The following GGNBP2 variants were observed in gnomAD, a reference collection of about 807,000 sequenced individuals.
GGNBP2 encodes the protein gametogenetin binding protein 2.
Under a neutral mutation model 85.9 loss-of-function variants are expected in GGNBP2, and 10 were observed. The observed-to-expected ratio is 0.12, with a 90% CI of 0.07 to 0.20. The LOEUF (loss-of-function observed/expected upper bound fraction) is 0.20. GGNBP2 is among the 10% of genes least tolerant of loss of function. GGNBP2 has a pLI of 1.00. For missense variants in GGNBP2, 595 were observed against 857.8 expected (o/e 0.69, Z 3.83); for synonymous variants, 287 against 285.7 (o/e 1.00, Z -0.05).
intron 2 of GGNBP2, chr17:36,546,585 A>G (rs759033507): frequency 6.6e-6 from 1 of 152,152 alleles, no homozygotes; most frequent in Non-Finnish European, 1.5e-5. Context: ...CCTCTGCCCT[A>G]TGTTGCTGTA....
chr17:36,577,665 A>C (rs1336261756), intron 6 of GGNBP2: 1 of 363,380 alleles, frequency 2.8e-6, no homozygotes, highest in Non-Finnish European at 5.2e-6. Flanking sequence ...ATAGCTTTTG[A>C]AGTGGAGATA....
intron 11 of GGNBP2, 26 bp from the exon 12 acceptor site, chr17:36,586,024 A>G (rs1390133740): frequency 1.2e-6 from 2 of 1,613,574 alleles, no homozygotes; most frequent in Admixed American, 1.7e-5. Flanking sequence ...AAGAACATAA[A>G]TAAGAAGGAT....
intron 6 of GGNBP2, chr17:36,575,315 T>G (rs2074566204): frequency 2.2e-6 from 1 of 461,978 alleles, no homozygotes; most frequent in Non-Finnish European, 4.0e-6. Flanking sequence ...GCCACCAGCA[T>G]CATCTGCCAT....
At chr17:36,573,526 G>A (rs1375831675) in intron 6 of GGNBP2, among the ~76,000 whole-genome samples, 1 of 152,176 alleles carries the variant, frequency 6.6e-6, no homozygotes, top group African/African-American at 2.4e-5. Flanking sequence ...CTTGCTATCA[G>A]TTCTTTTGGA....
chr17:36,578,964 C>G (rs1304939865), intron 7 of GGNBP2: 1 of 353,804 alleles, frequency 2.8e-6, no homozygotes, highest in Non-Finnish European at 5.2e-6. Flanking sequence ...GAGCTGGACA[C>G]TTCTATGTGA....
chr17:36,568,368 A>T (rs1348013058), intron 6 of GGNBP2, among the ~76,000 whole-genome samples: 4 of 150,472 alleles, frequency 2.7e-5, no homozygotes, highest in Non-Finnish European at 4.4e-5. Context: ...GAGACCTCGG[A>T]TCACTGTTCC....
intron 5 of GGNBP2, among the ~76,000 whole-genome samples, chr17:36,561,347 C>A (rs1400067740): frequency 1.3e-5 from 2 of 152,100 alleles, no homozygotes; most frequent in Non-Finnish European, 2.9e-5. Flanking sequence ...TGGTCTCGGA[C>A]TCCTGACCTC....
In GGNBP2 at chr17:36,589,520, C is replaced by A. The variant is rs948969663; in HGVS notation, c.*109C>A. ...CTTATGGCAAAATTTTATCTTAAAT[C>A]AATGTGATTCTTTCTTGTTTTGGGA... is the stretch of plus-strand genomic sequence containing the variant. On this transcript the variant is annotated 3_prime_UTR_variant, in exon 14 of 14. Transcript: ENST00000613102. 2 of 747,178 alleles carry A rather than the reference C, an allele frequency of 2.7e-6. No individual in the cohort carries two copies. The highest frequency in any genetic ancestry group is 4.5e-6 in the Non-Finnish European group (2 of 447,080). 46.3% of individuals were successfully genotyped at this position (747,178 alleles called of 1,614,324 possible).
At chr17:36,585,161 T>C (rs1276719706) in intron 9 of GGNBP2, 139 bp from the exon 10 acceptor site, 4 of 674,488 alleles carry the variant, frequency 5.9e-6, no homozygotes, top group Non-Finnish European at 1.0e-5. Context: ...ACCATTACTT[T>C]TGTACTGTCA....
intron 5 of GGNBP2, among the ~76,000 whole-genome samples, chr17:36,561,521 T>C (rs980094218): frequency 2.0e-5 from 3 of 152,196 alleles, no homozygotes; most frequent in African/African-American, 7.2e-5. Flanking sequence ...GTATAAATTA[T>C]TTATCTTTCT....
intron 13 of GGNBP2, among the ~76,000 whole-genome samples, chr17:36,588,557 G>C (rs2074726396): frequency 6.6e-6 from 1 of 151,034 alleles, no homozygotes; most frequent in African/African-American, 2.4e-5. Context: ...CGCCCAGCTA[G>C]TTTTTTTCTT....
intron 2 of GGNBP2, among the ~76,000 whole-genome samples, chr17:36,554,352 A>ATTTTTTTTTTTTTTTTTTTTTTTT (rs780217291): frequency 2.2e-5 from 1 of 44,506 alleles, no homozygotes; most frequent in Non-Finnish European, 3.6e-5. Context: ...ATGTACTTGA[A>ATTTTTTTTTTTTTTTTTTTTTTTT]TTTTTTTTTT....
intron 5 of GGNBP2, among the ~76,000 whole-genome samples, chr17:36,563,696 G>A (rs1013750067): frequency 7.0e-6 from 1 of 143,294 alleles, no homozygotes; most frequent in Non-Finnish European, 1.5e-5. Flanking sequence ...AAGGATAGTT[G>A]TTATTTTGCT....
chr17:36,561,366 G>A (rs1262265324), intron 5 of GGNBP2, among the ~76,000 whole-genome samples: 2 of 151,842 alleles, frequency 1.3e-5, no homozygotes, highest in Non-Finnish European at 1.5e-5. Flanking sequence ...TCAGGTGATC[G>A]CCCACCTCAG....
intron 5 of GGNBP2, among the ~76,000 whole-genome samples, chr17:36,562,932 C>T (rs554610885): frequency 3.7e-5 from 4 of 107,636 alleles, no homozygotes; most frequent in African/African-American, 1.1e-4. Flanking sequence ...GTCGCCTGGG[C>T]GACAGAGCGA....
At chr17:36,547,226 A>G (rs933982367) in intron 2 of GGNBP2, 10 of 152,184 alleles carry the variant, frequency 6.6e-5, no homozygotes, top group Non-Finnish European at 1.3e-4. Flanking sequence ...TGCATTTCTC[A>G]GTTTGGACTT....
chr17:36,545,405 G>C (rs1267318332), intron 1 of GGNBP2: 103 of 291,984 alleles, frequency 3.5e-4, no homozygotes, highest in Non-Finnish European at 5.7e-4. Context: ...GGAGGCCGGC[G>C]GGCGGGCGGG....
intron 13 of GGNBP2, 134 bp from the exon 14 acceptor site, chr17:36,589,072 AAC>A: frequency 1.5e-6 from 1 of 652,998 alleles, no homozygotes; most frequent in Non-Finnish European, 2.7e-6. Context: ...TTATTCTGCA[AAC>A]ACTCCAATTA....
At chr17:36,548,944 CA>C (rs536956341) in intron 2 of GGNBP2, among the ~76,000 whole-genome samples, 28 of 143,426 alleles carry the variant, frequency 2.0e-4, no homozygotes, top group African/African-American at 3.1e-4. Context: ...AACTCCGTTT[CA>C]AAAAAAAAAA....
Sources: allele counts gnomAD v4.1 joint callset (sites outside exome capture counted in the v4.1 genomes callset), GRCh38; gene constraint gnomAD v4.1.1; transcripts MANE v1.5; gene names NCBI Gene and HGNC (gene_info 2026-07-23, HGNC 2026-07-21).